INPP4B: variants seen among roughly 807,000 people sequenced by gnomAD.
INPP4B encodes inositol polyphosphate-4-phosphatase type II B.
INPP4B carries 55 observed loss-of-function variants against 122.5 expected under a neutral mutation model. That is an observed-to-expected ratio of 0.45 (90% CI 0.36 to 0.56). The LOEUF (loss-of-function observed/expected upper bound fraction) is 0.56. Ranked by LOEUF, INPP4B falls within the 20% of genes least tolerant of loss-of-function variation. INPP4B has a pLI of 0.00. For missense variants in INPP4B, 1,000 were observed against 1,097.7 expected (o/e 0.91, Z 1.26); for synonymous variants, 403 against 388.7 (o/e 1.04, Z -0.43).
intron 1 of INPP4B, among the ~76,000 whole-genome samples, chr4:142,844,935 T>G (rs2151223237): frequency 6.6e-6 from 1 of 152,322 alleles, no homozygotes; most frequent in South Asian, 2.1e-4. Context: ...GAGCCACACC[T>G]TTATAAACAA....
intron 24 of INPP4B, among the ~76,000 whole-genome samples, chr4:142,083,668 C>T (rs1352217969): frequency 3.3e-5 from 5 of 152,232 alleles, no homozygotes; most frequent in Admixed American, 6.5e-5. Context: ...TGAATTTATA[C>T]ATCACTATTA....
intron 7 of INPP4B, among the ~76,000 whole-genome samples, chr4:142,393,571 G>T (rs2149026298): frequency 6.6e-6 from 1 of 152,308 alleles, no homozygotes; most frequent in East Asian, 1.9e-4. Context: ...TTGAGAAAGT[G>T]ACCAAAAAGG....
rs1413981995 is a variant in INPP4B at position 142,293,342 on chromosome 4, A to G, written c.503+12116T>C. On this transcript the variant is annotated intron_variant, in intron 9 of 25. Transcript: ENST00000262992. ...GGGCATTTCTATTAAGCTTAAGTAC[A>G]TCGATCAGGGAACTTAGCGGATCAA... Among the ~76,000 whole-genome samples the G allele has an allele frequency of 3.3e-5, 5 of 152,124 alleles. No individual in the cohort carries two copies. In the East Asian group the frequency reaches 7.7e-4, roughly 23 times the overall value.
intron 17 of INPP4B, among the ~76,000 whole-genome samples, chr4:142,146,734 T>C (rs911011167): frequency 2.6e-5 from 4 of 152,152 alleles, no homozygotes; most frequent in South Asian, 2.1e-4. Context: ...GCACAATAAA[T>C]TGAAATTTTG....
intron 18 of INPP4B, among the ~76,000 whole-genome samples, chr4:142,136,518 G>A (rs1424276293): frequency 2.0e-5 from 3 of 152,222 alleles, no homozygotes; most frequent in African/African-American, 7.2e-5. Context: ...CACCCCAGAT[G>A]ATGTGAAGTT....
At chr4:142,336,103 C>A (rs1389075340) in intron 7 of INPP4B, among the ~76,000 whole-genome samples, 1 of 152,236 alleles carries the variant, frequency 6.6e-6, no homozygotes, top group Non-Finnish European at 1.5e-5. Context: ...CTCCCTCTCA[C>A]ACAGAGGGCT....
intron 18 of INPP4B, among the ~76,000 whole-genome samples, chr4:142,141,934 A>G (rs542989625): frequency 6.6e-6 from 1 of 152,100 alleles, no homozygotes; most frequent in Non-Finnish European, 1.5e-5. Flanking sequence ...GTATCCCAAC[A>G]TAAATCACAA....
chr4:142,171,479 T>C (rs1466745161), intron 16 of INPP4B, among the ~76,000 whole-genome samples: 1 of 151,832 alleles, frequency 6.6e-6, no homozygotes, highest in Admixed American at 6.6e-5. Flanking sequence ...AAACAGAACT[T>C]TTAAAGCTTA....
At chr4:142,082,259 T>A in intron 24 of INPP4B, 74 bp from the exon 25 acceptor site, 1 of 1,259,612 alleles carries the variant, frequency 7.9e-7, no homozygotes, top group Non-Finnish European at 1.1e-6. Context: ...TCCAAACACT[T>A]CTAGTCTAAA....
rs749423774 is a variant in INPP4B, at chr4:142,679,041, C to A, written c.-191+46798G>T. On this transcript the variant is annotated intron_variant, in intron 2 of 25. Coordinates refer to ENST00000262992, the MANE Select transcript of INPP4B (RefSeq NM_001101669.3). ...ATTTCCTTACTAATAAAAACAGATT[C>A]CCTTTCATCTACTTCAGTTTATTTT... Among the ~76,000 whole-genome samples, 81 of 151,906 alleles carry A rather than the reference C, an allele frequency of 5.3e-4. No homozygotes were observed. The Middle Eastern group carries it at 0.01, about 19-fold the overall frequency.
intron 5 of INPP4B, 132 bp from the exon 6 acceptor site, chr4:142,405,456 GAGGA>G: frequency 1.6e-6 from 1 of 633,736 alleles, no homozygotes; most frequent in African/African-American, 1.8e-5. Flanking sequence ...TGGTTTTACA[GAGGA>G]AGTCCCTTGG....
Position 142,482,035 on chromosome 4 carries a change from CA to C in INPP4B, c.-190-19310del, listed in dbSNP as rs1196205156. 3.3e-5 allele frequency among the ~76,000 whole-genome samples: 5 copies of C among 152,086 alleles called. No homozygotes were observed. The East Asian group carries it at 9.6e-4, about 29-fold the overall frequency. On this transcript the variant is annotated intron_variant, in intron 2 of 25. Coordinates refer to ENST00000262992, the MANE Select transcript of INPP4B (RefSeq NM_001101669.3). ...ATAGAGAGCAGGACTTCCTGGGAAC[CA>C]ACAGTCTCTTTCCCATAAGGGCCAC... is the stretch of plus-strand genomic sequence containing the variant.
chr4:142,177,197 T>C (rs935206447), intron 15 of INPP4B, among the ~76,000 whole-genome samples: 7 of 152,116 alleles, frequency 4.6e-5, no homozygotes, highest in Non-Finnish European at 5.9e-5. Context: ...GGCTGAAAGA[T>C]TCATTTTCCA....
intron 7 of INPP4B, among the ~76,000 whole-genome samples, chr4:142,333,212 C>T (rs768499567): frequency 1.4e-4 from 22 of 152,040 alleles, no homozygotes; most frequent in Non-Finnish European, 2.9e-4. Flanking sequence ...TTTCCTGATC[C>T]TTAAAACGAG....
intron 2 of INPP4B, among the ~76,000 whole-genome samples, chr4:142,722,565 G>GA (rs550353344): frequency 1.3e-5 from 2 of 151,890 alleles, no homozygotes; most frequent in South Asian, 2.1e-4. Context: ...TTTTGCAAAT[G>GA]AAAAAAATCA....
chr4:142,066,957 T>TTTGAAGAGAGTAGTGGTTCAACCAGC (rs1763875852), intron 25 of INPP4B, among the ~76,000 whole-genome samples: 1 of 152,094 alleles, frequency 6.6e-6, no homozygotes, highest in Admixed American at 6.5e-5. Flanking sequence ...CCTTGTCTGA[T>TTTGAAGAGAGTAGTGGTTCAACCAGC]GGGTTTGAAG....
At chr4:142,441,716 G>T (rs1273318403) in intron 3 of INPP4B, among the ~76,000 whole-genome samples, 2 of 152,012 alleles carry the variant, frequency 1.3e-5, no homozygotes, top group Non-Finnish European at 2.9e-5. Context: ...CATGGTCAGT[G>T]ATGGGAGGAG....
intron 4 of INPP4B, among the ~76,000 whole-genome samples, chr4:142,429,484 C>T (rs1352292407): frequency 6.6e-6 from 1 of 151,924 alleles, no homozygotes; most frequent in Non-Finnish European, 1.5e-5. Flanking sequence ...TAAGCCATGG[C>T]AAACATAAAA....
At chr4:142,661,606 T>A (rs1196484595) in intron 2 of INPP4B, among the ~76,000 whole-genome samples, 1 of 152,248 alleles carries the variant, frequency 6.6e-6, no homozygotes, top group Non-Finnish European at 1.5e-5. Context: ...TTAGCAATTT[T>A]TTCAGAGTTT....
Sources: gnomAD v4.1 joint callset for allele counts (sites outside exome capture counted in the v4.1 genomes callset) on GRCh38, gnomAD v4.1.1 for gene constraint, MANE v1.5 for transcripts, NCBI Gene and HGNC (gene_info 2026-07-23, HGNC 2026-07-21) for gene names.